The following UBN2 variants were observed in gnomAD, a reference collection of about 807,000 sequenced individuals.
UBN2 encodes the protein ubinuclein 2, also known as ubinuclein-2.
UBN2 carries 35 observed loss-of-function variants against 120.2 expected under a neutral mutation model. The ratio of observed to expected loss-of-function variants is 0.29; its 90% CI spans 0.22 to 0.39. The LOEUF (loss-of-function observed/expected upper bound fraction) is 0.39, where lower values mean the gene tolerates loss of function less well. Among genes scored for constraint, UBN2 ranks in the 10% least tolerant of loss-of-function variants. UBN2 has a pLI of 1.00. For synonymous variants in UBN2, 661 were observed against 648.7 expected, an observed-to-expected ratio of 1.02 and a Z score of -0.29; for missense variants, 1,693 against 1,663.2, an observed-to-expected ratio of 1.02 and a Z score of -0.31.
intron 2 of UBN2, among the ~76,000 whole-genome samples, chr7:139,248,095 A>C (rs1432702062): frequency 1.3e-5 from 2 of 152,200 alleles, no homozygotes; most frequent in African/African-American, 4.8e-5. Context: ...AGACAAGGAC[A>C]TTTCATACTT....
chr7:139,248,156 A>G lies in UBN2; in HGVS notation c.562-3800A>G, dbSNP rs936645202. On this transcript the variant is annotated intron_variant, in intron 2 of 17. Transcript: ENST00000473989. ...TTTCTATGGCATAAGTTCTTAACAGATATTTTTGACTCTAAGTAATGGTTC... is the reference window on the plus strand; with the variant it reads ...TTTCTATGGCATAAGTTCTTAACAGGTATTTTTGACTCTAAGTAATGGTTC... 2.0e-5 allele frequency among the ~76,000 whole-genome samples: 3 copies of G among 152,194 alleles called. No individual in the cohort carries two copies. The East Asian group carries it at 5.8e-4, about 29-fold the overall frequency.
chr7:139,248,476 T>G (rs1796531753), intron 2 of UBN2, among the ~76,000 whole-genome samples: 1 of 152,190 alleles, frequency 6.6e-6, no homozygotes, highest in Non-Finnish European at 1.5e-5. Flanking sequence ...ATTAAATTCC[T>G]CTATAATTTG....
Position 139,284,279 on chromosome 7 carries a change from C to T in UBN2, c.3374C>T (p.Thr1125Ile). The change falls in exon 15 of 18, where the codon ACC becomes ATC. Residue 1125 changes from threonine to isoleucine, a missense_variant. Physicochemically the swap from Thr to Ile is moderately conservative, Grantham distance 89. Around this residue, in one of 5 missense-constraint regions of UBN2, gnomAD observed 837 missense variants for 817.6 expected, o/e 1.02. Coordinates refer to ENST00000473989, the MANE Select transcript of UBN2 (RefSeq NM_173569.4). ...SGMNISRQSP[T>I]LNLLPSSRTS... ...ATGAACATCAGCAGACAGTCTCCCA[C>T]CTTGAATTTATTGCCCTCTAGTCGC... 6.2e-7 allele frequency: 1 copy of T among 1,614,194 alleles called. No individual in the cohort carries two copies. Among genetic ancestry groups the T allele is most frequent in the South Asian group, 1.1e-5 (1 of 91,084 alleles).
At position 139,284,059 on chromosome 7, in the gene UBN2, C is replaced by T. The variant is rs770411534; in HGVS notation, c.3154C>T (p.Leu1052=). 1.9e-5 allele frequency: 30 copies of T among 1,614,058 alleles called. No homozygotes were observed. Among genetic ancestry groups the T allele is most frequent in the Non-Finnish European group, 2.4e-5 (28 of 1,180,026 alleles). ...SPKPATSPKP[L]PSPKPSASPK... is the part of the protein sequence containing the mutation. ...CAAGCCTGCCACATCTCCTAAACCCCTGCCCTCGCCTAAGCCTTCTGCCTC... is the reference window on the plus strand; with the variant it reads ...CAAGCCTGCCACATCTCCTAAACCCTTGCCCTCGCCTAAGCCTTCTGCCTC... Residue 1052 remains leucine, a synonymous_variant, in exon 15 of 18, where the codon CTG becomes TTG. Coordinates refer to ENST00000473989, the MANE Select transcript of UBN2 (RefSeq NM_173569.4).
intron 2 of UBN2, among the ~76,000 whole-genome samples, chr7:139,244,280 C>T (rs190217167): frequency 3.0e-4 from 45 of 152,210 alleles, no homozygotes; most frequent in Admixed American, 1.9e-3. Context: ...CAGGCAGAAC[C>T]ACTGTGAATA....
intron 2 of UBN2, among the ~76,000 whole-genome samples, chr7:139,251,333 C>A (rs559012678): frequency 4.1e-4 from 63 of 152,306 alleles, no homozygotes; most frequent in African/African-American, 1.5e-3. Context: ...ATGTTTGTTA[C>A]AGCTAAGGAG....
At chr7:139,327,240 T>C in the UBN2 span, among the ~76,000 whole-genome samples, 2 of 152,076 alleles carry the variant, frequency 1.3e-5, no homozygotes, top group African/African-American at 4.8e-5. Context: ...TCCATGTTGG[T>C]CAGGCTGGTC....
chr7:139,297,893 G>GTTTC lies in UBN2; in HGVS notation c.*57_*58insTTTC, dbSNP rs1798155387. ...AGTTGACTGATGGAATCTACCTGAT[G>GTTTC]GGAAAGTACTTATGTGGTCATAGGG... On this transcript the variant is annotated 3_prime_UTR_variant, in exon 18 of 18. Transcript: ENST00000473989. 10 of 1,579,890 alleles carry GTTTC rather than the reference G, an allele frequency of 6.3e-6. No homozygotes were observed. The highest frequency in any genetic ancestry group is 1.7e-5 in the Admixed American group (1 of 59,920).
the UBN2 span, among the ~76,000 whole-genome samples, chr7:139,319,592 A>T: frequency 2.6e-5 from 4 of 152,212 alleles, no homozygotes; most frequent in Admixed American, 2.6e-4. Context: ...CTCCATCTCT[A>T]AAAAATCAAA....
the UBN2 span, among the ~76,000 whole-genome samples, chr7:139,315,610 A>G: frequency 6.6e-6 from 1 of 152,138 alleles, no homozygotes; most frequent in East Asian, 1.9e-4. Flanking sequence ...CTTGTGCACA[A>G]GTTTTTGTGT....
chr7:139,310,533 G>A (rs1477034211), downstream of UBN2, among the ~76,000 whole-genome samples: 1 of 152,192 alleles, frequency 6.6e-6, no homozygotes, highest in Non-Finnish European at 1.5e-5. Context: ...TACTTTGGGA[G>A]GCCAAGGGAG....
At chr7:139,277,541 A>G (rs981086341) in intron 12 of UBN2, 40 of 152,372 alleles carry the variant, frequency 2.6e-4, no homozygotes, top group African/African-American at 9.4e-4. Flanking sequence ...GAATCATCAT[A>G]AAGGTCTTCA....
At chr7:139,319,530 AG>A in the UBN2 span, among the ~76,000 whole-genome samples, 1 of 152,152 alleles carries the variant, frequency 6.6e-6, no homozygotes, top group Non-Finnish European at 1.5e-5. Flanking sequence ...CTGATGCAAG[AG>A]GATTGCTTGA....
chr7:139,233,345 G>A (rs1796078437), intron 1 of UBN2, among the ~76,000 whole-genome samples: 1 of 152,078 alleles, frequency 6.6e-6, no homozygotes, highest in South Asian at 2.1e-4. Context: ...TATTGGATTG[G>A]AGCATTTTTC....
intron 2 of UBN2, among the ~76,000 whole-genome samples, chr7:139,240,891 A>G (rs1452629461): frequency 6.6e-6 from 1 of 152,222 alleles, no homozygotes; most frequent in African/African-American, 2.4e-5. Flanking sequence ...TGTTGTACAT[A>G]AATCTTTTTA....
chr7:139,232,293 G>T (rs76590427), intron 1 of UBN2, among the ~76,000 whole-genome samples: 3 of 152,256 alleles, frequency 2.0e-5, no homozygotes, highest in Admixed American at 6.5e-5. Context: ...CCTGCAGGCC[G>T]TGTGGCTGGG....
chr7:139,259,116 G>C, intron 4 of UBN2, 151 bp from the exon 5 acceptor site: 1 of 1,166,414 alleles, frequency 8.6e-7, no homozygotes, highest in Non-Finnish European at 1.2e-6. Flanking sequence ...GGAGGTGAGA[G>C]TGCTCTTGAA....
At position 139,272,392 on chromosome 7, in the gene UBN2, T is replaced by C. The variant is rs1797302729; in HGVS notation, c.1667T>C (p.Phe556Ser). 6.2e-7 allele frequency: 1 copy of C among 1,613,906 alleles called. No individual in the cohort carries two copies. Among genetic ancestry groups the C allele is most frequent in the African/African-American group, 1.3e-5 (1 of 74,908 alleles). Reference protein sequence around the residue: ...AVSNVMPEQLFKYQEDCQARS... With the variant: ...AVSNVMPEQLSKYQEDCQARS... The stretch of plus-strand genomic sequence containing the variant: ...AGCAATGTCATGCCTGAACAGCTAT[T>C]TAAATACCAGGAGGACTGCCAGGCT... Residue 556 changes from phenylalanine to serine, a missense_variant, in exon 9 of 18, where the codon TTT becomes TCT. Phe to Ser is a radical substitution (Grantham distance 155, BLOSUM62 -2). Coordinates refer to ENST00000473989, the MANE Select transcript of UBN2 (RefSeq NM_173569.4).
chr7:139,270,180 T>C (rs976812474), intron 8 of UBN2, among the ~76,000 whole-genome samples: 2 of 152,092 alleles, frequency 1.3e-5, no homozygotes, highest in Non-Finnish European at 2.9e-5. Context: ...TTCATATATA[T>C]AAAGAAATAC....
Sources: gnomAD v4.1 joint callset for allele counts (sites outside exome capture counted in the v4.1 genomes callset) on GRCh38, gnomAD v4.1.1 for gene constraint, gnomAD v4.1.1 regional missense constraint, MANE v1.5 for transcripts, NCBI Gene and HGNC (gene_info 2026-07-23, HGNC 2026-07-21) for gene names.